The following ABCA10 variants were observed in gnomAD, a reference collection of about 807,000 sequenced individuals.
The protein encoded by ABCA10 is ATP binding cassette subfamily A member 10.
In ABCA10, 169 loss-of-function variants were observed where a neutral mutation model predicts 187.5. The observed-to-expected ratio is 0.90, with a 90% CI of 0.80 to 1.02. The LOEUF is 1.02. Among genes scored for constraint, ABCA10 ranks in the 50% least tolerant of loss-of-function variants. ABCA10 has a pLI of 0.00. For synonymous variants in ABCA10, 574 were observed against 601.8 expected (o/e 0.95, Z 0.68); for missense variants, 1,727 against 1,812.4 (o/e 0.95, Z 0.86).
chr17:69,221,827 C>G lies in ABCA10; in HGVS notation c.268G>C (p.Ala90Pro). ...LAKYWLKGFVAFQAAINAAII... is the reference protein window; with the variant it reads ...LAKYWLKGFVPFQAAINAAII... ...GCAGCATTAATTGCAGCTTGAAAAG[C>G]TACAAACCCTTTTAGCCAGTACTTT... Residue 90 changes from alanine (A) to proline (P), a missense_variant, in exon 5 of 39, where the codon GCT becomes CCT. Ala to Pro is a conservative substitution (Grantham distance 27). Transcript: ENST00000690296. 1 of 1,613,330 alleles carries G rather than the reference C, an allele frequency of 6.2e-7. No homozygotes were observed. The highest frequency in any genetic ancestry group is 8.5e-7 in the Non-Finnish European group (1 of 1,179,686).
At chr17:69,167,057 T>C (rs995189668) in intron 25 of ABCA10, among the ~76,000 whole-genome samples, 2 of 152,160 alleles carry the variant, frequency 1.3e-5, no homozygotes, top group African/African-American at 4.8e-5. Context: ...GCCTGGACAA[T>C]GAGAACCCTT....
chr17:69,170,947 T>C (rs2074293689), intron 25 of ABCA10, among the ~76,000 whole-genome samples: 1 of 152,154 alleles, frequency 6.6e-6, no homozygotes, highest in Non-Finnish European at 1.5e-5. Flanking sequence ...AATGAAACCC[T>C]CTTGATGGGA....
At chr17:69,231,909 G>A (rs1273877040), upstream of ABCA10, among the ~76,000 whole-genome samples, 3 of 151,794 alleles carry the variant, frequency 2.0e-5, no homozygotes, top group Non-Finnish European at 4.4e-5. Context: ...ATTTATATTT[G>A]CTTTATATAT....
intron 10 of ABCA10, among the ~76,000 whole-genome samples, chr17:69,200,197 G>A (rs767970002): frequency 7.9e-5 from 12 of 152,102 alleles, no homozygotes; most frequent in Non-Finnish European, 8.8e-5. Flanking sequence ...AATATTTATT[G>A]AACACCTAGC....
At chr17:69,181,388 A>G (rs2074380110) in intron 22 of ABCA10, among the ~76,000 whole-genome samples, 1 of 152,194 alleles carries the variant, frequency 6.6e-6, no homozygotes, top group South Asian at 2.1e-4. Flanking sequence ...CAACAGTCCT[A>G]TGATTTTTTT....
chr17:69,217,479 T>G (rs1156653676), intron 6 of ABCA10, among the ~76,000 whole-genome samples: 3 of 152,204 alleles, frequency 2.0e-5, no homozygotes, highest in African/African-American at 7.2e-5. Context: ...CACAGCTTTA[T>G]TCATAAATGC....
chr17:69,156,960 C>G (rs367633449), intron 27 of ABCA10, 37 bp from the exon 28 acceptor site: 13 of 1,288,978 alleles, frequency 1.0e-5, no homozygotes, highest in African/African-American at 1.5e-5. Context: ...TTAGCATCAC[C>G]ATGGCATTCA....
chr17:69,164,302 T>A (rs2074240245), intron 26 of ABCA10, 148 bp from the exon 27 acceptor site: 1 of 599,978 alleles, frequency 1.7e-6, no homozygotes, highest in African/African-American at 2.0e-5. Flanking sequence ...TTTCTGATGC[T>A]AAAGTCTACT....
chr17:69,182,406 T>C (rs539307629), intron 21 of ABCA10, 116 bp from the exon 22 acceptor site: 1 of 1,029,696 alleles, frequency 9.7e-7, no homozygotes, highest in Non-Finnish European at 1.3e-6. Flanking sequence ...TAATTTTTCT[T>C]TGACACTTCT....
rs1293769286 is a variant in ABCA10 at position 69,177,969 on chromosome 17, A to AT, written c.2770-2457_2770-2456insA. 6.3e-3 allele frequency among the ~76,000 whole-genome samples: 347 copies of AT among 54,900 alleles called. 6 individuals carry two copies. The highest frequency in any genetic ancestry group is 0.012 in the African/African-American group (300 of 25,330). The allele number at this position is 54,900 out of a possible 152,430, so 36.0% of individuals were successfully genotyped here. ...AGACTCCATTTCAAAAAAAAAAAAA[A>AT]AAAAATATATATATATATATATGTT... On this transcript the variant is annotated intron_variant, in intron 22 of 38. Transcript: ENST00000690296.
intron 27 of ABCA10, among the ~76,000 whole-genome samples, chr17:69,159,121 A>G (rs2074196228): frequency 6.6e-6 from 1 of 152,222 alleles, no homozygotes; most frequent in Admixed American, 6.5e-5. Context: ...AAAAAAAATT[A>G]GTTAACAGAA....
intron 1 of ABCA10, among the ~76,000 whole-genome samples, chr17:69,241,385 C>G (rs2074902610): frequency 6.6e-6 from 1 of 152,206 alleles, no homozygotes; most frequent in Admixed American, 6.5e-5. Flanking sequence ...GCTCTGTCCC[C>G]TCATATCTGA....
At position 69,190,459 on chromosome 17, in the gene ABCA10, T is replaced by A. The variant is rs146275289; in HGVS notation, c.2030A>T (p.Asp677Val). The change falls in exon 18 of 39, where the codon GAT becomes GTT. Residue 677 changes from aspartate to valine, a missense_variant. Physicochemically the swap from Asp to Val is radical, Grantham distance 152. Transcript: ENST00000690296. Reference sequence around the variant, plus strand: ...CCTTATGCCCTGGTCAGAACACTTATCAAGGTCACTGTAAAGATCTAAAAA... The same window carrying A: ...CCTTATGCCCTGGTCAGAACACTTAACAAGGTCACTGTAAAGATCTAAAAA... ...NKFPDLYSDL[D>V]KCSDQGIRNY... 1.0e-4 allele frequency: 164 copies of A among 1,578,230 alleles called. No individual in the cohort carries two copies. The highest frequency in any genetic ancestry group is 1.4e-4 in the Non-Finnish European group (160 of 1,170,002).
chr17:69,214,514 C>CAA (rs11347438), intron 9 of ABCA10, among the ~76,000 whole-genome samples, 190 bp downstream of exon 9: 10 of 136,622 alleles, frequency 7.3e-5, no homozygotes, highest in African/African-American at 2.7e-4. Flanking sequence ...GACTCCGTCT[C>CAA]AAAAAAAAAA....
At position 69,185,346 on chromosome 17, in the gene ABCA10, C is replaced by T. The variant is rs2074412842; in HGVS notation, c.2497+131G>A. Reference sequence around the variant, plus strand: ...ATATTAAAAAAGAAAATTAACCCATCAGTTTCCTTCATTTGAAAATGGAGC... The same window carrying T: ...ATATTAAAAAAGAAAATTAACCCATTAGTTTCCTTCATTTGAAAATGGAGC... On this transcript the variant is annotated intron_variant, in intron 20 of 38. Coordinates refer to ENST00000690296, the MANE Select transcript of ABCA10 (RefSeq NM_001377321.1). 3.7e-6 allele frequency: 3 copies of T among 812,188 alleles called. No homozygotes were observed. In the South Asian group the frequency reaches 1.2e-4, roughly 31 times the overall value. 50.3% of individuals were successfully genotyped at this position (812,188 alleles called of 1,614,324 possible). A position where few individuals can be genotyped will look rare whatever the true frequency, so the allele number is the denominator to read the frequency against.
At chr17:69,223,063 G>C (rs146908579) in intron 3 of ABCA10, among the ~76,000 whole-genome samples, 3 of 151,598 alleles carry the variant, frequency 2.0e-5, no homozygotes, top group African/African-American at 7.3e-5. Flanking sequence ...GGGAGGAGAG[G>C]GGGTAGGGGA....
rs1047108191 is a variant in ABCA10, at chr17:69,235,796, C to A, written c.-592-6936G>T. Among the ~76,000 whole-genome samples, 308 of 150,616 alleles carry A rather than the reference C, an allele frequency of 2.0e-3. 1 individual carries two copies. Among genetic ancestry groups the A allele is most frequent in the African/African-American group, 6.9e-3 (281 of 40,866 alleles). On this transcript the variant is annotated intron_variant, in intron 1 of 39. Coordinates refer to the ABCA10 transcript ENST00000269081. ...TTTAAAAAAAAGAAAACAAAAAAAACAAAAACAAAACCTTAATTTTAAAGT... is the reference window on the plus strand; with the variant it reads ...TTTAAAAAAAAGAAAACAAAAAAAAAAAAAACAAAACCTTAATTTTAAAGT...
chr17:69,178,656 A>C (rs2074354760), intron 22 of ABCA10, among the ~76,000 whole-genome samples: 1 of 152,228 alleles, frequency 6.6e-6, no homozygotes, highest in Admixed American at 6.5e-5. Flanking sequence ...ATTGTGACTG[A>C]AAATAAAAAT....
At chr17:69,164,404 G>A (rs893511630) in intron 26 of ABCA10, among the ~76,000 whole-genome samples, 1 of 152,036 alleles carries the variant, frequency 6.6e-6, no homozygotes, top group Non-Finnish European at 1.5e-5. Flanking sequence ...TCTTTAGTGG[G>A]AGTGACAAAG....
Sources: gnomAD v4.1 joint callset for allele counts (sites outside exome capture counted in the v4.1 genomes callset) on GRCh38, gnomAD v4.1.1 for gene constraint, MANE v1.5 for transcripts, NCBI Gene and HGNC (gene_info 2026-07-23, HGNC 2026-07-21) for gene names.